The following B3GALT1 variants were observed in gnomAD, a reference collection of about 807,000 sequenced individuals.
B3GALT1 encodes the protein UDP-Gal:betaGlcNAc beta 1,3-galactosyltransferase, polypeptide 1.
Under a neutral mutation model 23.2 loss-of-function variants are expected in B3GALT1, and 10 were observed. The observed-to-expected ratio is 0.43, with a 90% CI of 0.27 to 0.73. The LOEUF is 0.73. Among genes scored for constraint, B3GALT1 ranks in the 30% least tolerant of loss-of-function variants. B3GALT1 has a pLI of 0.21. For synonymous variants in B3GALT1, 156 were observed against 141.5 expected (o/e 1.10, Z -0.73); for missense variants, 299 against 405.4 (o/e 0.74, Z 2.25).
intron 1 of B3GALT1, among the ~76,000 whole-genome samples, chr2:167,456,269 A>T (rs1456540123): frequency 6.6e-6 from 1 of 152,090 alleles, no homozygotes; most frequent in Non-Finnish European, 1.5e-5. Context: ...TCTTTTAAAC[A>T]ATCAGTTTTT....
At chr2:167,630,176 C>A (rs1031538948) in intron 2 of B3GALT1, among the ~76,000 whole-genome samples, 1 of 151,726 alleles carries the variant, frequency 6.6e-6, no homozygotes, top group Non-Finnish European at 1.5e-5. Flanking sequence ...AGATTAGATA[C>A]ACAAAATACA....
intron 1 of B3GALT1, among the ~76,000 whole-genome samples, chr2:167,373,557 GAGGT>G (rs1164789761): frequency 6.6e-6 from 1 of 152,102 alleles, no homozygotes; most frequent in Non-Finnish European, 1.5e-5. Context: ...AAATAAAAAA[GAGGT>G]AGAGCAAAAG....
chr2:167,832,753 T>A (rs1319677917), intron 4 of B3GALT1, among the ~76,000 whole-genome samples: 1 of 152,254 alleles, frequency 6.6e-6, no homozygotes, highest in Non-Finnish European at 1.5e-5. Context: ...AGTGCTTTCC[T>A]AACAAACATG....
chr2:167,559,488 T>C (rs1683926088), intron 2 of B3GALT1, among the ~76,000 whole-genome samples: 2 of 152,110 alleles, frequency 1.3e-5, no homozygotes, highest in Non-Finnish European at 2.9e-5. Context: ...GAAGAAGGCT[T>C]CAGACGATCG....
chr2:167,301,020 A>G (rs149053155), intron 1 of B3GALT1, among the ~76,000 whole-genome samples: 137 of 152,318 alleles, frequency 9.0e-4, no homozygotes, highest in African/African-American at 3.2e-3. Context: ...TCTTGAAGAA[A>G]GAGGCTCATA....
intron 2 of B3GALT1, among the ~76,000 whole-genome samples, chr2:167,635,100 A>G (rs368299464): frequency 2.0e-4 from 31 of 152,278 alleles, no homozygotes; most frequent in African/African-American, 7.2e-4. Flanking sequence ...GACAAAAACC[A>G]CATGATTATC....
rs200712658 is a variant in B3GALT1, at chr2:167,297,393, AT to A, written c.-511+4061del. Among the ~76,000 whole-genome samples, 657 of 140,040 alleles carry A rather than the reference AT, an allele frequency of 4.7e-3. 6 individuals are homozygous for A. The highest frequency in any genetic ancestry group is 0.032 in the Admixed American group (467 of 14,476). The allele number at this position is 140,040 out of a possible 152,430, so 91.9% of individuals were successfully genotyped here. The stretch of plus-strand genomic sequence containing the variant: ...CATTTATGTACCTCTGTAAAAACTG[AT>A]TAAAAAAAAAAAACTAGGTTTTGAG... On this transcript the variant is annotated intron_variant, in intron 1 of 4. Transcript: ENST00000392690.
Position 167,621,401 on chromosome 2 carries a change from A to G in B3GALT1, c.-409-25508A>G, listed in dbSNP as rs138875784. On this transcript the variant is annotated intron_variant, in intron 2 of 4. Coordinates refer to ENST00000392690, the MANE Select transcript of B3GALT1 (RefSeq NM_020981.4). ...TTGCCTGGCCAGTGAGTTATTTTCAATCAATTTAACTAAAATGTTATTATT... is the reference window on the plus strand; with the variant it reads ...TTGCCTGGCCAGTGAGTTATTTTCAGTCAATTTAACTAAAATGTTATTATT... Among the ~76,000 whole-genome samples the G allele has an allele frequency of 2.3e-3, 349 of 152,036 alleles. 1 individual carries two copies. The highest frequency in any genetic ancestry group is 6.8e-3 in the Middle Eastern group (2 of 294).
In B3GALT1 at chr2:167,422,173, C is replaced by T. The variant is rs182339321; in HGVS notation, c.-510-68004C>T. ...GAAAGGAAGAGGAAGGAGAAGGAGACGACAGTGACATAAGAGAGCATTCTC... is the reference window on the plus strand; with the variant it reads ...GAAAGGAAGAGGAAGGAGAAGGAGATGACAGTGACATAAGAGAGCATTCTC... On this transcript the variant is annotated intron_variant, in intron 1 of 4. Transcript: ENST00000392690. 2.9e-3 allele frequency among the ~76,000 whole-genome samples: 446 copies of T among 151,842 alleles called. 1 individual carries two copies. Among genetic ancestry groups the T allele is most frequent in the African/African-American group, 9.2e-3 (379 of 41,418 alleles).
chr2:167,751,312 G>C, intron 3 of B3GALT1, among the ~76,000 whole-genome samples: 1 of 152,126 alleles, frequency 6.6e-6, no homozygotes, highest in East Asian at 1.9e-4. Flanking sequence ...GCAAACCCTT[G>C]CTCCAAGGCT....
chr2:167,708,588 G>C (rs902065109), intron 3 of B3GALT1, among the ~76,000 whole-genome samples: 7 of 152,186 alleles, frequency 4.6e-5, no homozygotes, highest in Non-Finnish European at 1.0e-4. Flanking sequence ...TTGAAACTGG[G>C]AAGCAGAGGT....
At chr2:167,495,142 G>A (rs1413814321) in intron 2 of B3GALT1, among the ~76,000 whole-genome samples, 3 of 151,964 alleles carry the variant, frequency 2.0e-5, no homozygotes, top group Non-Finnish European at 4.4e-5. Flanking sequence ...TATTTGGGAG[G>A]GCCTTCTAGA....
chr2:167,316,948 G>A (rs571588340), intron 1 of B3GALT1, among the ~76,000 whole-genome samples: 1 of 152,180 alleles, frequency 6.6e-6, no homozygotes, highest in African/African-American at 2.4e-5. Flanking sequence ...GATACTGAAA[G>A]GATAAACTGG....
chr2:167,444,961 T>C, intron 1 of B3GALT1, among the ~76,000 whole-genome samples: 1 of 152,208 alleles, frequency 6.6e-6, no homozygotes, highest in East Asian at 1.9e-4. Context: ...GTTGTTAGGG[T>C]GTCAATTTTA....
chr2:167,634,845 C>G (rs1574181103), intron 2 of B3GALT1, among the ~76,000 whole-genome samples: 1 of 152,246 alleles, frequency 6.6e-6, no homozygotes, highest in East Asian at 1.9e-4. Context: ...CTCCCTAACT[C>G]ATTTTATGAG....
At chr2:167,846,900 G>A (rs1253543994) in intron 4 of B3GALT1, among the ~76,000 whole-genome samples, 1 of 152,094 alleles carries the variant, frequency 6.6e-6, no homozygotes, top group East Asian at 1.9e-4. Flanking sequence ...ATAAAGTAAA[G>A]GTGTGGAAAA....
At chr2:167,381,420 T>C (rs550104450) in intron 1 of B3GALT1, among the ~76,000 whole-genome samples, 56 of 152,306 alleles carry the variant, frequency 3.7e-4, no homozygotes, top group African/African-American at 1.3e-3. Flanking sequence ...ATTAAAAATA[T>C]CAAAACCAGT....
At chr2:167,784,869 G>A (rs537340990) in intron 3 of B3GALT1, among the ~76,000 whole-genome samples, 16 of 152,316 alleles carry the variant, frequency 1.1e-4, no homozygotes, top group Non-Finnish European at 2.1e-4. Context: ...TTCTCAGAGC[G>A]AATGAGGACT....
intron 1 of B3GALT1, among the ~76,000 whole-genome samples, chr2:167,468,089 G>T (rs73972275): frequency 0.024 from 3,589 of 152,220 alleles, 69 homozygotes; most frequent in South Asian, 0.05. Flanking sequence ...CCATGAAACA[G>T]TGAAAGAGCA....
Sources: allele counts gnomAD v4.1 joint callset (sites outside exome capture counted in the v4.1 genomes callset), GRCh38; gene constraint gnomAD v4.1.1; transcripts MANE v1.5; gene names NCBI Gene and HGNC (gene_info 2026-07-23, HGNC 2026-07-21).